Variants in ATP2B2 observed in about 807,000 individuals in gnomAD.
The protein encoded by ATP2B2 is ATPase plasma membrane Ca2+ transporting 2.
In ATP2B2, 15 loss-of-function variants were observed where a neutral mutation model predicts 120.0. The ratio of observed to expected loss-of-function variants is 0.12; its 90% CI spans 0.08 to 0.19. ATP2B2 has a LOEUF of 0.19. Ranked by LOEUF, ATP2B2 falls within the 10% of genes least tolerant of loss-of-function variation. The probability of loss-of-function intolerance (pLI) is 1.00; values close to 1 mark genes in which losing one functional copy is unlikely to be tolerated. For synonymous variants in ATP2B2, 694 were observed against 700.3 expected (o/e 0.99, Z 0.14); for missense variants, 1,045 against 1,719.8 (o/e 0.61, Z 6.94).
chr3:10,489,864 A>G (rs2065867782), intron 1 of ATP2B2, among the ~76,000 whole-genome samples: 1 of 152,200 alleles, frequency 6.6e-6, no homozygotes, highest in African/African-American at 2.4e-5. Context: ...ATCACTCCTC[A>G]ACTTACAACC....
At chr3:10,572,162 A>G (rs1429832534) in intron 2 of ATP2B2, among the ~76,000 whole-genome samples, 1 of 152,224 alleles carries the variant, frequency 6.6e-6, no homozygotes, top group East Asian at 1.9e-4. Flanking sequence ...AGACAAATGA[A>G]GCCAGCCTGG....
At chr3:10,685,838 T>C (rs2071506107) in intron 1 of ATP2B2, among the ~76,000 whole-genome samples, 1 of 152,250 alleles carries the variant, frequency 6.6e-6, no homozygotes, top group Non-Finnish European at 1.5e-5. Context: ...TGATTTCTTC[T>C]TTAAGCCCTA....
intron 2 of ATP2B2, among the ~76,000 whole-genome samples, chr3:10,437,241 AATG>A (rs56333236): frequency 1 from 151,888 of 151,890 alleles, 75,943 homozygotes; most frequent in Middle Eastern, 1. Context: ...TAACCTATAT[AATG>A]ATGATGATGA....
At chr3:10,644,752 G>A (rs9880149) in intron 1 of ATP2B2, among the ~76,000 whole-genome samples, 49,909 of 151,928 alleles carry the variant, frequency 0.33, 12,749 homozygotes, top group African/African-American at 0.71. Context: ...GAGAAGACAT[G>A]GGGATAAACT....
chr3:10,331,896 T>C, intron 22 of ATP2B2: 5 of 1,343,316 alleles, frequency 3.7e-6, no homozygotes. Flanking sequence ...GGGTTCTACA[T>C]ACTCGAATGT....
At chr3:10,553,979 G>T (rs2067725250) in intron 2 of ATP2B2, among the ~76,000 whole-genome samples, 1 of 140,776 alleles carries the variant, frequency 7.1e-6, no homozygotes, top group East Asian at 2.3e-4. Flanking sequence ...AGCAGGAGCG[G>T]TACACAGACC....
intron 1 of ATP2B2, among the ~76,000 whole-genome samples, chr3:10,637,971 T>C (rs2125647341): frequency 6.6e-6 from 1 of 151,514 alleles, no homozygotes; most frequent in East Asian, 1.9e-4. Context: ...GCAATGCAAG[T>C]GAGAAGACAG....
intron 3 of ATP2B2, among the ~76,000 whole-genome samples, chr3:10,520,041 C>T (rs2066952103): frequency 6.6e-6 from 1 of 152,202 alleles, no homozygotes; most frequent in Non-Finnish European, 1.5e-5. Flanking sequence ...CACCCTGATC[C>T]CTCATGGTCA....
At chr3:10,707,434 G>A (rs908339341) in intron 1 of ATP2B2, among the ~76,000 whole-genome samples, 1 of 152,212 alleles carries the variant, frequency 6.6e-6, no homozygotes, top group Admixed American at 6.5e-5. Context: ...CCCCAGCCTA[G>A]GGTGAGTCTC....
intron 7 of ATP2B2, among the ~76,000 whole-genome samples, chr3:10,385,963 T>C (rs1305438328): frequency 2.6e-5 from 4 of 152,234 alleles, no homozygotes; most frequent in African/African-American, 7.2e-5. Context: ...ATTTTGTATA[T>C]GGGATGGAAA....
At chr3:10,684,672 C>G (rs1276653789) in intron 1 of ATP2B2, among the ~76,000 whole-genome samples, 4 of 152,174 alleles carry the variant, frequency 2.6e-5, no homozygotes, top group African/African-American at 9.7e-5. Context: ...GCTCTGAAAG[C>G]AATTTCTAAA....
intron 1 of ATP2B2, among the ~76,000 whole-genome samples, chr3:10,502,407 G>A (rs541647188): frequency 6.6e-6 from 1 of 152,158 alleles, no homozygotes; most frequent in Non-Finnish European, 1.5e-5. Context: ...AGCAGGGCTG[G>A]GCCCAGGGCT....
At chr3:10,447,749 C>T (rs892400175) in intron 2 of ATP2B2, among the ~76,000 whole-genome samples, 1 of 152,166 alleles carries the variant, frequency 6.6e-6, no homozygotes, top group Non-Finnish European at 1.5e-5. Flanking sequence ...CAAGCAAAGC[C>T]GATGCCCATT....
At chr3:10,334,750 G>A (rs1325238642) in intron 22 of ATP2B2, among the ~76,000 whole-genome samples, 1 of 152,144 alleles carries the variant, frequency 6.6e-6, no homozygotes, top group African/African-American at 2.4e-5. Context: ...TGTGGCCCGC[G>A]CCTCCTACTG....
Position 10,336,044 on chromosome 3 carries a change from C to T in ATP2B2, c.3420+2132G>A. The T allele has an allele frequency of 4.1e-6, 6 of 1,455,730 alleles. No individual in the cohort carries two copies. The South Asian group carries it at 6.5e-5, about 16-fold the overall frequency. The allele number at this position is 1,455,730 out of a possible 1,614,324, so 90.2% of individuals were successfully genotyped here. ...GGGCCTGATTGTGACCGGCTGCCCC[C>T]CATGTCCTCTGGTGCCCCAGCCCCT... On this transcript the variant is annotated intron_variant, in intron 22 of 22. Transcript: ENST00000360273.
At chr3:10,520,902 T>C (rs576993898) in intron 3 of ATP2B2, among the ~76,000 whole-genome samples, 1 of 152,270 alleles carries the variant, frequency 6.6e-6, no homozygotes, top group African/African-American at 2.4e-5. Flanking sequence ...AACTAGACTA[T>C]GTCACTGCAG....
intron 2 of ATP2B2, among the ~76,000 whole-genome samples, chr3:10,447,288 C>A (rs150202233): frequency 2.6e-5 from 4 of 152,350 alleles, no homozygotes; most frequent in Non-Finnish European, 5.9e-5. Flanking sequence ...CTAGGCAATA[C>A]TCCCTCTAGC....
chr3:10,505,803 G>GT (rs1277867156), upstream of ATP2B2: 4 of 148,224 alleles, frequency 2.7e-5, no homozygotes, highest in Non-Finnish European at 4.5e-5. Flanking sequence ...GGGGCGGGGG[G>GT]GGTGTGTGGA....
chr3:10,432,779 C>T lies in ATP2B2; in HGVS notation c.199+16566G>A, dbSNP rs1018568953. ...TGTCTCTTGACAGGGGACAAAGGGA[C>T]GCGGCTTTCTACATTAGGGACAGAG... On this transcript the variant is annotated intron_variant, in intron 2 of 22. Coordinates refer to ENST00000360273, the MANE Select transcript of ATP2B2 (RefSeq NM_001001331.4). Among the ~76,000 whole-genome samples, 6 of 152,296 alleles carry T rather than the reference C, an allele frequency of 3.9e-5. 1 individual carries two copies. In the South Asian group the frequency reaches 6.2e-4, roughly 16 times the overall value.
Sources: allele counts gnomAD v4.1 joint callset (sites outside exome capture counted in the v4.1 genomes callset), GRCh38; gene constraint gnomAD v4.1.1; transcripts MANE v1.5; gene names NCBI Gene and HGNC (gene_info 2026-07-23, HGNC 2026-07-21).